The following RBFOX1 variants were observed in gnomAD, a reference collection of about 807,000 sequenced individuals.
RBFOX1 encodes the protein RNA binding protein fox-1 homolog 1.
A neutral mutation model predicts 57.7 loss-of-function variants in RBFOX1; 8 were observed. The observed-to-expected ratio is 0.14, with a 90% CI of 0.08 to 0.25. The LOEUF (loss-of-function observed/expected upper bound fraction) is 0.25. RBFOX1 is among the 10% of genes least tolerant of loss of function. The probability of loss-of-function intolerance (pLI) is 1.00; values close to 1 mark genes in which losing one functional copy is unlikely to be tolerated. For synonymous variants in RBFOX1, 326 were observed against 222.4 expected, an observed-to-expected ratio of 1.47 and a Z score of -4.15; for missense variants, 611 against 548.5, an observed-to-expected ratio of 1.11 and a Z score of -1.14.
At chr16:6,616,337 A>T (rs531453799) in intron 2 of RBFOX1, among the ~76,000 whole-genome samples, 2 of 151,920 alleles carry the variant, frequency 1.3e-5, no homozygotes, top group East Asian at 3.9e-4. Flanking sequence ...ATCCACCCCC[A>T]ACCGTGCCCA....
rs574970953 is a variant in RBFOX1, at chr16:6,747,583, A to G, written c.-16+92933A>G. On this transcript the variant is annotated intron_variant, in intron 3 of 15. Transcript: ENST00000550418. ...AATCTCTGTTAAAAGTGATATTTTTAGTATCTTCTATGGGTCTTCTCTTTA... is the reference window on the plus strand; with the variant it reads ...AATCTCTGTTAAAAGTGATATTTTTGGTATCTTCTATGGGTCTTCTCTTTA... Among the ~76,000 whole-genome samples the G allele has an allele frequency of 4.2e-4, 64 of 152,280 alleles. No homozygotes were observed. In the South Asian group the frequency reaches 0.012, roughly 28 times the overall value.
intron 4 of RBFOX1, among the ~76,000 whole-genome samples, chr16:7,434,875 G>C (rs999742937): frequency 3.9e-5 from 6 of 151,964 alleles, no homozygotes; most frequent in Non-Finnish European, 1.5e-5. Flanking sequence ...GGGTAGATGG[G>C]ATTACAGACA....
intron 1 of RBFOX1, among the ~76,000 whole-genome samples, chr16:6,248,888 G>A (rs909656175): frequency 2.0e-5 from 3 of 152,142 alleles, no homozygotes; most frequent in Non-Finnish European, 2.9e-5. Flanking sequence ...CCTGGCACAC[G>A]GGGAGTGCTC....
chr16:7,045,794 T>C (rs2047720645), intron 3 of RBFOX1, among the ~76,000 whole-genome samples: 1 of 152,108 alleles, frequency 6.6e-6, no homozygotes, highest in Non-Finnish European at 1.5e-5. Flanking sequence ...TAGCTGGGAC[T>C]ACAGGCGCAT....
chr16:6,143,074 G>T (rs1432789950), intron 1 of RBFOX1, among the ~76,000 whole-genome samples: 1 of 152,184 alleles, frequency 6.6e-6, no homozygotes, highest in Non-Finnish European at 1.5e-5. Flanking sequence ...ATAAATATTT[G>T]GGATAATGGA....
chr16:6,840,089 T>A (rs2093374584), intron 3 of RBFOX1, among the ~76,000 whole-genome samples: 1 of 152,184 alleles, frequency 6.6e-6, no homozygotes, highest in Admixed American at 6.5e-5. Context: ...AAAATGCTGA[T>A]CAGTACTACT....
chr16:5,544,664 AT>A (rs2045108656), intron 2 of RBFOX1, among the ~76,000 whole-genome samples: 1 of 152,194 alleles, frequency 6.6e-6, no homozygotes, highest in South Asian at 2.1e-4. Flanking sequence ...AGGATAAAAA[AT>A]GATATCAAAT....
intron 3 of RBFOX1, among the ~76,000 whole-genome samples, chr16:6,721,193 A>G (rs1275033141): frequency 6.6e-6 from 1 of 152,206 alleles, no homozygotes; most frequent in Non-Finnish European, 1.5e-5. Flanking sequence ...CTATAATCCC[A>G]GTACTTTGGA....
rs1056370428 is a variant in RBFOX1 at position 6,672,780 on chromosome 16, A to G, written c.-16+18130A>G. On this transcript the variant is annotated intron_variant, in intron 3 of 15. Transcript: ENST00000550418. ...TTAGTCATACCTTCTACCAATTCAC[A>G]GTTCTGGTAGAAAGATCGTTTCTCT... 4.6e-5 allele frequency among the ~76,000 whole-genome samples: 7 copies of G among 152,298 alleles called. No homozygotes were observed. In the South Asian group the frequency reaches 1.5e-3, roughly 32 times the overall value.
chr16:6,655,557 C>T (rs966226473), intron 3 of RBFOX1, among the ~76,000 whole-genome samples: 2 of 151,920 alleles, frequency 1.3e-5, no homozygotes, highest in African/African-American at 4.8e-5. Context: ...AATGTGAATC[C>T]CCTCAGGAAA....
At chr16:6,454,109 G>A (rs1315566456) in intron 2 of RBFOX1, among the ~76,000 whole-genome samples, 1 of 152,120 alleles carries the variant, frequency 6.6e-6, no homozygotes, top group African/African-American at 2.4e-5. Context: ...CAGTCATGTT[G>A]GATGAGGGCC....
chr16:7,669,680 C>T (rs3785213), intron 13 of RBFOX1, among the ~76,000 whole-genome samples: 12,025 of 152,166 alleles, frequency 0.079, 947 homozygotes, highest in African/African-American at 0.2. Flanking sequence ...ACTCTGCCAC[C>T]CATATGTTTT....
chr16:6,521,259 A>G (rs1173034611), intron 2 of RBFOX1, among the ~76,000 whole-genome samples: 2 of 152,186 alleles, frequency 1.3e-5, no homozygotes, highest in Non-Finnish European at 2.9e-5. Flanking sequence ...CTCATTGGTC[A>G]AGGAAAAGGT....
chr16:7,465,379 C>A (rs753376638), intron 4 of RBFOX1, among the ~76,000 whole-genome samples: 7 of 152,182 alleles, frequency 4.6e-5, no homozygotes, highest in East Asian at 1.9e-4. Flanking sequence ...TTGGCTGCTT[C>A]ATTTGTTCTT....
chr16:7,204,835 A>C (rs1211990497), intron 4 of RBFOX1, among the ~76,000 whole-genome samples: 2 of 151,874 alleles, frequency 1.3e-5, no homozygotes, highest in Non-Finnish European at 2.9e-5. Context: ...TCCCCTCCGC[A>C]CAGTTTCTGG....
chr16:7,685,360 C>T (rs1050214291), intron 14 of RBFOX1, among the ~76,000 whole-genome samples: 6 of 152,130 alleles, frequency 3.9e-5, no homozygotes, highest in African/African-American at 4.8e-5. Context: ...CTTCCCTCTC[C>T]TGGCCCAGGG....
intron 2 of RBFOX1, among the ~76,000 whole-genome samples, chr16:6,424,108 A>G (rs6500783): frequency 0.15 from 22,720 of 152,124 alleles, 3,681 homozygotes; most frequent in African/African-American, 0.41. Context: ...ATATGTTGGC[A>G]TGTGCCTATA....
intron 4 of RBFOX1, among the ~76,000 whole-genome samples, chr16:7,144,069 G>A (rs955658402): frequency 1.3e-5 from 2 of 152,180 alleles, no homozygotes; most frequent in African/African-American, 2.4e-5. Flanking sequence ...TGATGTGTCT[G>A]TAGGCTTTTT....
intron 3 of RBFOX1, among the ~76,000 whole-genome samples, chr16:6,938,997 T>C (rs914807914): frequency 1.7e-4 from 26 of 152,264 alleles, no homozygotes; most frequent in African/African-American, 5.5e-4. Context: ...GTAACTGTTC[T>C]TGTAGTCACT....
Sources: allele counts gnomAD v4.1 joint callset (sites outside exome capture counted in the v4.1 genomes callset), GRCh38; gene constraint gnomAD v4.1.1; transcripts MANE v1.5; gene names NCBI Gene and HGNC (gene_info 2026-07-23, HGNC 2026-07-21).